The following SBF2 variants were observed in gnomAD, a reference collection of about 807,000 sequenced individuals.
The protein encoded by SBF2 is myotubularin-related protein 13.
In SBF2, 112 loss-of-function variants were observed where a neutral mutation model predicts 225.2. The ratio of observed to expected loss-of-function variants is 0.50; its 90% CI spans 0.43 to 0.58. The LOEUF (loss-of-function observed/expected upper bound fraction) is 0.58, where lower values mean the gene tolerates loss of function less well. Among genes scored for constraint, SBF2 ranks in the 20% least tolerant of loss-of-function variants. The pLI, the probability that SBF2 is intolerant of heterozygous loss-of-function variation, is 0.00. For synonymous variants in SBF2, 763 were observed against 773.3 expected, an observed-to-expected ratio of 0.99 and a Z score of 0.22; for missense variants, 1,996 against 2,206.2, an observed-to-expected ratio of 0.90 and a Z score of 1.91.
chr11:10,281,492 G>A (rs949936813), intron 1 of SBF2, among the ~76,000 whole-genome samples: 2 of 152,192 alleles, frequency 1.3e-5, no homozygotes, highest in East Asian at 1.9e-4. Flanking sequence ...TCTCTCTTAT[G>A]CATGTCCACA....
intron 17 of SBF2, among the ~76,000 whole-genome samples, chr11:9,895,542 CT>C (rs142806164): frequency 0.015 from 2,257 of 152,208 alleles, 47 homozygotes; most frequent in African/African-American, 0.051. Flanking sequence ...TAATTTCTGG[CT>C]TCAATGTCAT....
chr11:10,224,351 A>G (rs925510588), intron 1 of SBF2, among the ~76,000 whole-genome samples: 1 of 152,132 alleles, frequency 6.6e-6, no homozygotes, highest in Non-Finnish European at 1.5e-5. Context: ...TCCAGCCACC[A>G]TCACTTCTTA....
chr11:9,884,263 A>T (rs960812448), intron 17 of SBF2, among the ~76,000 whole-genome samples: 1 of 152,240 alleles, frequency 6.6e-6, no homozygotes, highest in African/African-American at 2.4e-5. Context: ...ATTCAATTCA[A>T]GAAACTGTTT....
At chr11:9,910,843 T>C (rs183961555) in intron 16 of SBF2, among the ~76,000 whole-genome samples, 267 of 145,986 alleles carry the variant, frequency 1.8e-3, no homozygotes, top group African/African-American at 6.2e-3. Context: ...GGTCAGGAGA[T>C]TGAGACCATT....
chr11:9,966,880 A>G (rs773659974), intron 14 of SBF2, among the ~76,000 whole-genome samples: 1 of 152,220 alleles, frequency 6.6e-6, no homozygotes, highest in Admixed American at 6.5e-5. Context: ...TAGAATTACC[A>G]TATGACCCAG....
chr11:10,248,830 T>C (rs1960052570), intron 1 of SBF2, among the ~76,000 whole-genome samples: 1 of 152,212 alleles, frequency 6.6e-6, no homozygotes, highest in Non-Finnish European at 1.5e-5. Flanking sequence ...GCGCGGAGGC[T>C]TACGCCTGTA....
At chr11:9,917,378 C>A (rs1021877215) in intron 16 of SBF2, among the ~76,000 whole-genome samples, 13 of 151,642 alleles carry the variant, frequency 8.6e-5, no homozygotes, top group Admixed American at 6.6e-5. Flanking sequence ...GTCACCCAGG[C>A]TGAAGTGCAG....
chr11:10,247,620 A>G (rs57743646), intron 1 of SBF2, among the ~76,000 whole-genome samples: 3,303 of 152,108 alleles, frequency 0.022, 91 homozygotes, highest in African/African-American at 0.065. Flanking sequence ...GCTTGAACCC[A>G]GGAGGCAGAG....
intron 36 of SBF2, 153 bp from the exon 37 acceptor site, chr11:9,785,471 G>A: frequency 1.5e-6 from 1 of 679,712 alleles, no homozygotes. Flanking sequence ...TAGTTATCGT[G>A]GTAAAAAACT....
chr11:10,022,417 G>A (rs1048030800), intron 6 of SBF2, among the ~76,000 whole-genome samples: 1 of 151,874 alleles, frequency 6.6e-6, no homozygotes, highest in African/African-American at 2.4e-5. Context: ...TATTAGTTAT[G>A]CACATAAAGG....
intron 1 of SBF2, among the ~76,000 whole-genome samples, chr11:10,229,006 T>C (rs1251293525): frequency 2.6e-5 from 4 of 152,186 alleles, no homozygotes; most frequent in Non-Finnish European, 4.4e-5. Flanking sequence ...GCTCCTGTTA[T>C]TGGTCTATTC....
chr11:10,122,962 A>G (rs1334560709), intron 2 of SBF2, among the ~76,000 whole-genome samples: 1 of 152,170 alleles, frequency 6.6e-6, no homozygotes, highest in Non-Finnish European at 1.5e-5. Context: ...ACACACATAC[A>G]CACCCATACC....
At chr11:10,070,170 A>G (rs1950804922) in intron 2 of SBF2, among the ~76,000 whole-genome samples, 1 of 151,990 alleles carries the variant, frequency 6.6e-6, no homozygotes, top group Non-Finnish European at 1.5e-5. Flanking sequence ...ATTAGATCCC[A>G]TTTGTCAATT....
chr11:10,251,057 G>T (rs561321735), intron 1 of SBF2, among the ~76,000 whole-genome samples: 2 of 152,260 alleles, frequency 1.3e-5, no homozygotes, highest in Non-Finnish European at 2.9e-5. Context: ...TGTAAAGGGG[G>T]TCTATTACGT....
chr11:9,818,379 A>T (rs1854569620), intron 28 of SBF2, among the ~76,000 whole-genome samples: 1 of 152,250 alleles, frequency 6.6e-6, no homozygotes, highest in Admixed American at 6.5e-5. Flanking sequence ...AATATCAAAC[A>T]TCCAGACACA....
chr11:9,877,007 G>C (rs1859311991), intron 17 of SBF2, among the ~76,000 whole-genome samples: 1 of 152,174 alleles, frequency 6.6e-6, no homozygotes, highest in Admixed American at 6.5e-5. Context: ...CCAAAGTGTT[G>C]GGATTACAGG....
intron 2 of SBF2, among the ~76,000 whole-genome samples, chr11:10,086,456 AAG>A: frequency 6.6e-6 from 1 of 152,182 alleles, no homozygotes; most frequent in Non-Finnish European, 1.5e-5. Flanking sequence ...GATAATATAT[AAG>A]TGGCTTGCTT....
intron 2 of SBF2, among the ~76,000 whole-genome samples, chr11:10,131,785 G>A (rs1251821350): frequency 2.0e-5 from 3 of 152,092 alleles, no homozygotes; most frequent in Admixed American, 1.3e-4. Context: ...TTTGTCAGGT[G>A]GTGGTTTGCC....
In SBF2 at chr11:10,002,651, T is replaced by C. The variant is rs1447565741; in HGVS notation, c.658A>G (p.Thr220Ala). 1 of 1,613,352 alleles carries C rather than the reference T, an allele frequency of 6.2e-7. No individual in the cohort carries two copies. Among genetic ancestry groups the C allele is most frequent in the African/African-American group, 1.3e-5 (1 of 75,024 alleles). Reference sequence around the variant, plus strand: ...GAATGGAAGAGAACCTTATTTTCTGTGAGGACTGCACAAAAGAGGCTGAGG... The same window carrying C: ...GAATGGAAGAGAACCTTATTTTCTGCGAGGACTGCACAAAAGAGGCTGAGG... ...NVLSLFCAVL[T>A]ENKVLFHSAS... is the part of the protein sequence containing the mutation. The change falls in exon 7 of 40, where the codon ACA becomes GCA. Residue 220 changes from threonine (T) to alanine (A), a missense_variant. By Grantham distance (58) the Thr-to-Ala change is moderately conservative. Transcript: ENST00000256190.
Sources: gnomAD v4.1 joint callset for allele counts (sites outside exome capture counted in the v4.1 genomes callset) on GRCh38, gnomAD v4.1.1 for gene constraint, MANE v1.5 for transcripts, NCBI Gene and HGNC (gene_info 2026-07-23, HGNC 2026-07-21) for gene names.